Variants in FAM83A observed in about 807,000 individuals in gnomAD.
FAM83A encodes scaffolding CK1 anchoring protein A.
Under a neutral mutation model 24.4 loss-of-function variants are expected in FAM83A, and 21 were observed. That is an observed-to-expected ratio of 0.86 (90% CI 0.61 to 1.24). FAM83A has a LOEUF of 1.24. Among genes scored for constraint, FAM83A ranks in the 50% most tolerant of loss-of-function variants. The pLI, the probability that FAM83A is intolerant of heterozygous loss-of-function variation, is 0.00. For synonymous variants in FAM83A, 270 were observed against 252.4 expected, an observed-to-expected ratio of 1.07 and a Z score of -0.66; for missense variants, 617 against 579.8, an observed-to-expected ratio of 1.06 and a Z score of -0.66.
chr8:123,207,536 C>G (rs1361337981), exon 4 of FAM83A: 1 of 1,565,052 alleles, frequency 6.4e-7, no homozygotes, highest in Admixed American at 1.8e-5. Flanking sequence ...CCAGGCCCAC[C>G]TCTCCCCGCG....
exon 1 of FAM83A, chr8:123,182,953 G>C: frequency 6.2e-7 from 1 of 1,606,496 alleles, no homozygotes; most frequent in Non-Finnish European, 8.5e-7. Flanking sequence ...TAGTGACAAC[G>C]AGAGTGCCCG....
At chr8:123,187,545 T>A (rs899747311) in intron 1 of FAM83A, among the ~76,000 whole-genome samples, 4 of 152,250 alleles carry the variant, frequency 2.6e-5, no homozygotes, top group African/African-American at 9.6e-5. Context: ...AAAATTGTTA[T>A]TTTATGTTAA....
At chr8:123,203,085 G>T (rs112822776) in intron 3 of FAM83A, among the ~76,000 whole-genome samples, 207 of 152,068 alleles carry the variant, frequency 1.4e-3, no homozygotes, top group African/African-American at 4.8e-3. Flanking sequence ...ATAACTCCCC[G>T]TATGTAAAAT....
At chr8:123,187,335 C>T (rs1823836999) in intron 1 of FAM83A, among the ~76,000 whole-genome samples, 1 of 152,106 alleles carries the variant, frequency 6.6e-6, no homozygotes. Context: ...AAGACCCTGC[C>T]CTTTCGAACC....
At chr8:123,182,506 C>T, upstream of FAM83A, 1 of 492,050 alleles carries the variant, frequency 2.0e-6, no homozygotes, top group Admixed American at 2.3e-5. Context: ...GTTGCGAAAC[C>T]CAGCAGGAAA....
intron 3 of FAM83A, among the ~76,000 whole-genome samples, chr8:123,198,959 C>T (rs1824253961): frequency 6.6e-6 from 1 of 152,084 alleles, no homozygotes; most frequent in Non-Finnish European, 1.5e-5. Flanking sequence ...AGGCTGGTCT[C>T]GAACTCTTGA....
intron 3 of FAM83A, among the ~76,000 whole-genome samples, chr8:123,203,315 C>T (rs534030589): frequency 2.6e-5 from 4 of 151,326 alleles, no homozygotes; most frequent in Admixed American, 6.6e-5. Context: ...TGGCTGGGTG[C>T]GGTGGTTCAC....
chr8:123,182,040 G>A (rs562248043), upstream of FAM83A: 3 of 456,280 alleles, frequency 6.6e-6, no homozygotes, highest in Admixed American at 7.0e-5. Context: ...AACACTGACT[G>A]GTCCCCTGGG....
At chr8:123,181,910 A>G, upstream of FAM83A, 1 of 382,082 alleles carries the variant, frequency 2.6e-6, no homozygotes, top group South Asian at 1.9e-5. Flanking sequence ...AAAGAGAGTC[A>G]GGGTTCTAGG....
At chr8:123,192,249 C>T (rs763372647) in intron 2 of FAM83A, among the ~76,000 whole-genome samples, 12 of 152,148 alleles carry the variant, frequency 7.9e-5, no homozygotes, top group Non-Finnish European at 1.5e-4. Context: ...AGATTTCCAT[C>T]GCTTTCTCTT....
chr8:123,196,225 TG>T (rs1824147538), intron 3 of FAM83A, among the ~76,000 whole-genome samples: 1 of 152,232 alleles, frequency 6.6e-6, no homozygotes, highest in South Asian at 2.1e-4. Flanking sequence ...ATGGCCATAC[TG>T]GTCTCGAACT....
intron 3 of FAM83A, among the ~76,000 whole-genome samples, chr8:123,205,131 AAAG>A (rs146892152): frequency 1.7e-4 from 26 of 152,296 alleles, no homozygotes; most frequent in African/African-American, 6.0e-4. Context: ...TTTTAAAAGA[AAAG>A]AAAAAAAAAG....
exon 4 of FAM83A, chr8:123,207,545 C>G (rs1483078150): frequency 1.3e-5 from 21 of 1,556,416 alleles, no homozygotes; most frequent in Admixed American, 1.8e-5. Flanking sequence ...CCTCTCCCCG[C>G]GGCCCCACGA....
At chr8:123,188,169 G>A (rs978245423) in intron 1 of FAM83A, among the ~76,000 whole-genome samples, 5 of 151,684 alleles carry the variant, frequency 3.3e-5, no homozygotes, top group South Asian at 2.1e-4. Context: ...GCCACTGCAC[G>A]CTTCTGGTAG....
chr8:123,182,257 G>A (rs763265893), upstream of FAM83A: 144 of 388,374 alleles, frequency 3.7e-4, no homozygotes, highest in South Asian at 5.2e-4. Flanking sequence ...GAGAGGAGGC[G>A]CGCCTGGTCA....
At chr8:123,192,125 C>T (rs1365321078) in intron 2 of FAM83A, among the ~76,000 whole-genome samples, 155 bp downstream of exon 2, 2 of 152,080 alleles carry the variant, frequency 1.3e-5, no homozygotes, top group Non-Finnish European at 2.9e-5. Context: ...GTCAGATGGC[C>T]CTCCTCCATA....
In FAM83A at chr8:123,183,085, G is replaced by A. The variant is rs757237946; in HGVS notation, c.229G>A (p.Glu77Lys). ...CCAGTACATCCAGGCCCAGGCCAGG[G>A]AGCCCCCGTGTCCCCCAGACACCCT... The change falls in exon 1 of 4, where the codon GAG becomes AAG. Residue 77 changes from glutamate (E) to lysine (K), a missense_variant. Transcript: ENST00000690554. The A allele has an allele frequency of 1.4e-5, 22 of 1,613,758 alleles. 1 individual carries two copies. In the South Asian group the frequency reaches 2.4e-4, roughly 18 times the overall value.
At position 123,203,978 on chromosome 8, in the gene FAM83A, CAA is replaced by C. The variant is rs113729464; in HGVS notation, c.774-3171_774-3170del. ...AACTCAAAAAAAAAAAAAAAAAGGA[CAA>C]AAAAAAATTCTATAATTATGGAAAA... On this transcript the variant is annotated intron_variant, in intron 3 of 3. Coordinates refer to ENST00000690554, the Ensembl canonical transcript of FAM83A. Among the ~76,000 whole-genome samples the C allele has an allele frequency of 2.4e-3, 346 of 142,454 alleles. 2 individuals are homozygous for C. Among genetic ancestry groups the C allele is most frequent in the African/African-American group, 8.4e-3 (323 of 38,632 alleles). 93.5% of individuals were successfully genotyped at this position (142,454 alleles called of 152,430 possible).
chr8:123,200,051 A>G (rs1824297165), intron 3 of FAM83A: 1 of 153,244 alleles, frequency 6.5e-6, no homozygotes, highest in East Asian at 1.9e-4. Flanking sequence ...TAAAATGAAA[A>G]ACAAAATCTT....
Sources: allele counts gnomAD v4.1 joint callset (sites outside exome capture counted in the v4.1 genomes callset), GRCh38; gene constraint gnomAD v4.1.1; transcripts MANE v1.5; gene names NCBI Gene and HGNC (gene_info 2026-07-23, HGNC 2026-07-21).